The following TENM4 variants were observed in gnomAD, a reference collection of about 807,000 sequenced individuals.
TENM4 encodes the protein teneurin-4.
TENM4 carries 82 observed loss-of-function variants against 243.3 expected under a neutral mutation model. The observed-to-expected ratio is 0.34, with a 90% CI of 0.28 to 0.40. The LOEUF (loss-of-function observed/expected upper bound fraction) is 0.40, where lower values mean the gene tolerates loss of function less well. TENM4 is among the 10% of genes least tolerant of loss of function. The probability of loss-of-function intolerance (pLI) is 1.00; values close to 1 mark genes in which losing one functional copy is unlikely to be tolerated. For synonymous variants in TENM4, 1,412 were observed against 1,456.3 expected, an observed-to-expected ratio of 0.97 and a Z score of 0.69; for missense variants, 3,138 against 3,673.3, an observed-to-expected ratio of 0.85 and a Z score of 3.77.
chr11:79,296,427 T>G (rs1379824233), intron 2 of TENM4, among the ~76,000 whole-genome samples: 1 of 152,198 alleles, frequency 6.6e-6, no homozygotes, highest in Non-Finnish European at 1.5e-5. Context: ...AGGTTTCCCT[T>G]GGTTCTCAGC....
At chr11:79,355,056 A>G (rs1285325702) in intron 1 of TENM4, among the ~76,000 whole-genome samples, 3 of 152,226 alleles carry the variant, frequency 2.0e-5, no homozygotes, top group Non-Finnish European at 4.4e-5. Context: ...AGAGTTCCCT[A>G]AAAACCAAAG....
intron 17 of TENM4, among the ~76,000 whole-genome samples, chr11:78,776,577 T>G (rs892158285): frequency 3.9e-5 from 6 of 152,220 alleles, no homozygotes; most frequent in Non-Finnish European, 1.5e-5. Context: ...AGTACTCTAC[T>G]CTGACAAGAC....
chr11:78,670,822 G>A (rs541573682), intron 31 of TENM4, among the ~76,000 whole-genome samples: 1 of 152,284 alleles, frequency 6.6e-6, no homozygotes, highest in African/African-American at 2.4e-5. Flanking sequence ...CTGGGGCCTA[G>A]GCCTCCAGGT....
At chr11:79,300,172 GA>G (rs1234710737) in intron 1 of TENM4, among the ~76,000 whole-genome samples, 1 of 152,026 alleles carries the variant, frequency 6.6e-6, no homozygotes, top group Non-Finnish European at 1.5e-5. Flanking sequence ...TTTTCTTTCT[GA>G]CTATTCACTA....
At chr11:78,990,574 A>G (rs1377766533) in intron 6 of TENM4, among the ~76,000 whole-genome samples, 4 of 152,222 alleles carry the variant, frequency 2.6e-5, no homozygotes, top group Non-Finnish European at 5.9e-5. Context: ...GTTCAGTGGA[A>G]AAAAACAACT....
At chr11:79,326,919 C>A (rs1364658994) in intron 1 of TENM4, among the ~76,000 whole-genome samples, 1 of 152,186 alleles carries the variant, frequency 6.6e-6, no homozygotes, top group East Asian at 1.9e-4. Flanking sequence ...AACAGACTAA[C>A]AAATGAGTAA....
In TENM4 at chr11:79,239,708, C is replaced by T. The variant is rs78477119; in HGVS notation, c.-264-23799G>A. ...TCACTAATCATTGACATTCATTCAG[C>T]ACCTACTATTCCTGGGGCACTCTGC... On this transcript the variant is annotated intron_variant, in intron 2 of 33. Transcript: ENST00000278550. Among the ~76,000 whole-genome samples the T allele has an allele frequency of 2.6e-3, 401 of 152,306 alleles. 3 individuals carry two copies. Among genetic ancestry groups the T allele is most frequent in the African/African-American group, 9.3e-3 (388 of 41,558 alleles).
At chr11:79,200,673 G>C (rs1863721254) in intron 3 of TENM4, among the ~76,000 whole-genome samples, 1 of 152,234 alleles carries the variant, frequency 6.6e-6, no homozygotes, top group Non-Finnish European at 1.5e-5. Flanking sequence ...ACACATGGAT[G>C]CCTTTCAATT....
chr11:78,959,565 C>T (rs1857274439), intron 6 of TENM4, among the ~76,000 whole-genome samples: 1 of 152,068 alleles, frequency 6.6e-6, no homozygotes, highest in Non-Finnish European at 1.5e-5. Flanking sequence ...CTCTCATGAT[C>T]CCAACCCCAG....
At chr11:78,766,711 T>TA (rs1856546628) in intron 18 of TENM4, among the ~76,000 whole-genome samples, 1 of 151,236 alleles carries the variant, frequency 6.6e-6, no homozygotes, top group Admixed American at 6.6e-5. Flanking sequence ...CCCCAATTTT[T>TA]TTTTTTTTTT....
chr11:78,912,868 G>A (rs915742842), intron 6 of TENM4, among the ~76,000 whole-genome samples: 2 of 152,190 alleles, frequency 1.3e-5, no homozygotes, highest in East Asian at 3.9e-4. Flanking sequence ...GCCACCATTT[G>A]AATCCAAAAG....
intron 4 of TENM4, among the ~76,000 whole-genome samples, chr11:79,084,297 A>G (rs1306379146): frequency 6.6e-6 from 1 of 152,244 alleles, no homozygotes; most frequent in Non-Finnish European, 1.5e-5. Context: ...GCCCCTCTGG[A>G]AAGCAGGTTG....
intron 2 of TENM4, among the ~76,000 whole-genome samples, chr11:79,249,300 G>A (rs918606199): frequency 6.6e-6 from 1 of 152,098 alleles, no homozygotes; most frequent in African/African-American, 2.4e-5. Flanking sequence ...CTACCCATGG[G>A]CACAGAGCTA....
At position 78,999,838 on chromosome 11, in the gene TENM4, G is replaced by T. The variant is rs563882473; in HGVS notation, c.493+64900C>A. On this transcript the variant is annotated intron_variant, in intron 6 of 33. Transcript: ENST00000278550. ...AACCAGAGAAAGAGAAGAGAGAGGTGCAGAGGAAATTATTTGAAGAAATAA... is the reference window on the plus strand; with the variant it reads ...AACCAGAGAAAGAGAAGAGAGAGGTTCAGAGGAAATTATTTGAAGAAATAA... Among the ~76,000 whole-genome samples, 36 of 151,728 alleles carry T rather than the reference G, an allele frequency of 2.4e-4. No individual in the cohort carries two copies. In the East Asian group the frequency reaches 6.6e-3, roughly 28 times the overall value.
At chr11:78,876,074 A>G (rs1451104439) in intron 9 of TENM4, among the ~76,000 whole-genome samples, 2 of 152,342 alleles carry the variant, frequency 1.3e-5, no homozygotes, top group Middle Eastern at 3.4e-3. Context: ...TTCTAGGTCC[A>G]GCGCTACTAC....
chr11:79,100,682 G>A (rs1861206652), intron 4 of TENM4, among the ~76,000 whole-genome samples: 1 of 152,124 alleles, frequency 6.6e-6, no homozygotes, highest in South Asian at 2.1e-4. Flanking sequence ...ACCCCAATCT[G>A]TGCCAGTCCC....
At chr11:78,687,769 T>C (rs997085253) in intron 29 of TENM4, among the ~76,000 whole-genome samples, 9 of 152,158 alleles carry the variant, frequency 5.9e-5, no homozygotes, top group African/African-American at 2.2e-4. Flanking sequence ...CTGGGAGTCA[T>C]TAGGATGGCA....
chr11:79,306,945 G>A (rs1856635508), intron 1 of TENM4, among the ~76,000 whole-genome samples: 1 of 152,146 alleles, frequency 6.6e-6, no homozygotes, highest in East Asian at 1.9e-4. Context: ...CCATAGTCGT[G>A]GACTCCAAAT....
intron 1 of TENM4, among the ~76,000 whole-genome samples, chr11:79,404,973 T>C (rs1052285020): frequency 1.3e-5 from 2 of 152,062 alleles, no homozygotes; most frequent in African/African-American, 4.8e-5. Flanking sequence ...GCACAGGGAG[T>C]GTGCAGCACC....
Sources: allele counts gnomAD v4.1 joint callset (sites outside exome capture counted in the v4.1 genomes callset), GRCh38; gene constraint gnomAD v4.1.1; transcripts MANE v1.5; gene names NCBI Gene and HGNC (gene_info 2026-07-23, HGNC 2026-07-21).